The following C2orf76 variants were observed in gnomAD, a reference collection of about 807,000 sequenced individuals.
The protein encoded by C2orf76 is UPF0538 protein C2orf76.
A neutral mutation model predicts 16.9 loss-of-function variants in C2orf76; 23 were observed. That is an observed-to-expected ratio of 1.36 (90% CI 0.98 to 1.93). The LOEUF is 1.93. Among genes scored for constraint, C2orf76 ranks in the 30% most tolerant of loss-of-function variants. C2orf76 has a pLI of 0.00. For synonymous variants in C2orf76, 48 were observed against 52.3 expected (o/e 0.92, Z 0.35); for missense variants, 152 against 152.6 (o/e 1.00, Z 0.02).
chr2:119,334,142 T>C (rs747309113), intron 2 of C2orf76, among the ~76,000 whole-genome samples: 2 of 152,056 alleles, frequency 1.3e-5, no homozygotes, highest in Non-Finnish European at 2.9e-5. Context: ...AAAGTCTACA[T>C]ACTGTATGAT....
At chr2:119,336,377 G>A (rs549013378) in intron 2 of C2orf76, among the ~76,000 whole-genome samples, 24 of 152,142 alleles carry the variant, frequency 1.6e-4, no homozygotes, top group African/African-American at 2.4e-4. Flanking sequence ...GCAACAGAGC[G>A]AGACTCTGTC....
intron 5 of C2orf76, among the ~76,000 whole-genome samples, chr2:119,306,196 A>T (rs1295550378): frequency 6.6e-6 from 1 of 152,174 alleles, no homozygotes; most frequent in Non-Finnish European, 1.5e-5. Flanking sequence ...GCATGACCTA[A>T]AATATTGCTA....
chr2:119,360,575 G>C (rs997773293), intron 1 of C2orf76, among the ~76,000 whole-genome samples: 2 of 148,904 alleles, frequency 1.3e-5, no homozygotes, highest in Non-Finnish European at 3.0e-5. Context: ...AACATAACTT[G>C]TATATGCACT....
the C2orf76 span, among the ~76,000 whole-genome samples, chr2:119,296,729 A>G: frequency 6.6e-6 from 1 of 152,232 alleles, no homozygotes; most frequent in African/African-American, 2.4e-5. Context: ...AAGTTCCTCA[A>G]AGTCACATGA....
At chr2:119,340,742 T>C (rs2104605908) in intron 1 of C2orf76, among the ~76,000 whole-genome samples, 1 of 143,436 alleles carries the variant, frequency 7.0e-6, no homozygotes, top group African/African-American at 2.6e-5. Context: ...ATTGCAAAGT[T>C]CATGCTTTCT....
chr2:119,307,429 ACT>A (rs1678826520), intron 5 of C2orf76, among the ~76,000 whole-genome samples: 1 of 133,600 alleles, frequency 7.5e-6, no homozygotes, highest in Non-Finnish European at 1.5e-5. Flanking sequence ...ACAGAGAGAG[ACT>A]CTGTCTTAAA....
chr2:119,283,425 T>C, the C2orf76 span, among the ~76,000 whole-genome samples: 2 of 152,196 alleles, frequency 1.3e-5, no homozygotes, highest in African/African-American at 2.4e-5. Flanking sequence ...CCCTCTCTCT[T>C]CCCCATATCC....
chr2:119,285,686 T>G, the C2orf76 span, among the ~76,000 whole-genome samples: 1 of 152,210 alleles, frequency 6.6e-6, no homozygotes, highest in African/African-American at 2.4e-5. Context: ...TCAAGCAATT[T>G]GGGCAGAGGC....
At chr2:119,294,705 G>A in the C2orf76 span, among the ~76,000 whole-genome samples, 6 of 152,126 alleles carry the variant, frequency 3.9e-5, no homozygotes, top group South Asian at 2.1e-4. Flanking sequence ...CCTGGAGAGC[G>A]AGCGGAACTG....
chr2:119,310,651 C>G (rs1231839529), intron 5 of C2orf76, among the ~76,000 whole-genome samples: 1 of 152,150 alleles, frequency 6.6e-6, no homozygotes, highest in Non-Finnish European at 1.5e-5. Flanking sequence ...GCAGGCAGAT[C>G]GCCTGAGGTT....
chr2:119,301,792 C>T (rs781438103), downstream of C2orf76, among the ~76,000 whole-genome samples: 4 of 151,912 alleles, frequency 2.6e-5, no homozygotes, highest in Non-Finnish European at 5.9e-5. Flanking sequence ...AGCATCCTGC[C>T]GCTTCCTCTC....
intron 2 of C2orf76, among the ~76,000 whole-genome samples, chr2:119,324,618 T>C (rs1304409046): frequency 6.6e-6 from 1 of 152,100 alleles, no homozygotes; most frequent in Non-Finnish European, 1.5e-5. Flanking sequence ...CATGAAAGAA[T>C]ACATATAATT....
At chr2:119,286,217 T>A in the C2orf76 span, among the ~76,000 whole-genome samples, 1 of 99,010 alleles carries the variant, frequency 1.0e-5, no homozygotes, top group East Asian at 3.1e-4. Context: ...AGAGCAGGAC[T>A]CCATCTCAAA....
chr2:119,344,790 C>T (rs573895350), intron 1 of C2orf76, among the ~76,000 whole-genome samples: 22 of 152,110 alleles, frequency 1.4e-4, no homozygotes, highest in South Asian at 4.2e-4. Context: ...AATCAAGCCA[C>T]GGTAATATAA....
the C2orf76 span, among the ~76,000 whole-genome samples, chr2:119,296,733 C>T: frequency 6.6e-5 from 10 of 152,234 alleles, no homozygotes; most frequent in Non-Finnish European, 1.2e-4. Context: ...TCCTCAAAGT[C>T]ACATGAAACC....
intron 2 of C2orf76, among the ~76,000 whole-genome samples, chr2:119,335,678 A>G (rs1045543134): frequency 6.6e-6 from 1 of 152,234 alleles, no homozygotes; most frequent in Admixed American, 6.5e-5. Context: ...AGGAAAAAAG[A>G]GTAACTTTAC....
chr2:119,298,163 G>A (rs973609804), downstream of C2orf76, among the ~76,000 whole-genome samples: 6 of 152,064 alleles, frequency 3.9e-5, no homozygotes, highest in African/African-American at 9.7e-5. Flanking sequence ...TATGGCATAC[G>A]CCTTTTGTGT....
At chr2:119,307,848 C>G (rs930119505) in intron 5 of C2orf76, among the ~76,000 whole-genome samples, 5 of 152,166 alleles carry the variant, frequency 3.3e-5, no homozygotes, top group African/African-American at 1.2e-4. Flanking sequence ...ACAACAAGAC[C>G]AACAACTCAA....
intron 2 of C2orf76, among the ~76,000 whole-genome samples, chr2:119,331,876 G>A (rs976215102): frequency 1.3e-5 from 2 of 152,042 alleles, no homozygotes; most frequent in South Asian, 2.1e-4. Flanking sequence ...TTTGCACTGC[G>A]TTTTTCTTTC....
Sources: allele counts gnomAD v4.1 joint callset (sites outside exome capture counted in the v4.1 genomes callset), GRCh38; gene constraint gnomAD v4.1.1; transcripts MANE v1.5; gene names NCBI Gene and HGNC (gene_info 2026-07-23, HGNC 2026-07-21).